Variants in TNNI3K observed in about 807,000 individuals in gnomAD.
TNNI3K encodes serine/threonine-protein kinase TNNI3K.
Under a neutral mutation model 114.5 loss-of-function variants are expected in TNNI3K, and 140 were observed. The ratio of observed to expected loss-of-function variants is 1.22; its 90% confidence interval spans 1.07 to 1.41. The LOEUF is 1.41. Ranked by LOEUF, TNNI3K falls within the 40% of genes most tolerant of loss-of-function variation. The pLI, the probability that TNNI3K is intolerant of heterozygous loss-of-function variation, is 0.00. For synonymous variants in TNNI3K, 347 were observed against 347.5 expected (o/e 1.00, Z 0.02); for missense variants, 1,125 against 1,007.6 (o/e 1.12, Z -1.58).
At chr1:74,481,432 TTTCTCCCAAAAGTAAAGGTG>T (rs1668496465) in intron 21 of TNNI3K, among the ~76,000 whole-genome samples, 1 of 152,138 alleles carries the variant, frequency 6.6e-6, no homozygotes, top group Non-Finnish European at 1.5e-5. Flanking sequence ...TCAATCATCT[TTTCTCCCAAAAGTAAAGGTG>T]CGAGTTGGGA....
chr1:74,480,470 A>T (rs1668432676), intron 21 of TNNI3K: 2 of 717,406 alleles, frequency 2.8e-6, no homozygotes, highest in African/African-American at 1.7e-5. Flanking sequence ...CACATCCGGC[A>T]TGTGGGCTAA....
rs1160614075 is a variant in TNNI3K, at chr1:74,342,914, A to G, written c.755A>G (p.Lys252Arg). The G allele has an allele frequency of 6.2e-7, 1 of 1,613,784 alleles. No homozygotes were observed. The highest frequency in any genetic ancestry group is 1.3e-5 in the African/African-American group (1 of 74,900). Residue 252 changes from lysine to arginine, a missense_variant, in exon 8 of 25, where the codon AAG (lysine) becomes AGG (arginine). By Grantham distance (26) the Lys-to-Arg change is conservative. Transcript: ENST00000326637. ...CGATTTGGACACCATGATATAGTTA[A>G]GTATCTGCTGCAAAGTGATTTGGAA... ...CSRFGHHDIVKYLLQSDLEVQ... is the reference protein window; with the variant it reads ...CSRFGHHDIVRYLLQSDLEVQ...
Position 74,492,122 on chromosome 1 carries a change from G to T in TNNI3K, c.2207G>T (p.Ser736Ile). 1 of 1,610,134 alleles carries T rather than the reference G, an allele frequency of 6.2e-7. No homozygotes were observed. Among genetic ancestry groups the T allele is most frequent in the Non-Finnish European group, 8.5e-7 (1 of 1,177,174 alleles). Residue 736 changes from serine to isoleucine, a missense_variant, in exon 23 of 25, where the codon AGC becomes ATC. Transcript: ENST00000326637. Reference protein sequence around the residue: ...IELMSPASSNSSGSLSPSSSS... With the variant: ...IELMSPASSNISGSLSPSSSS... ...CTGATGTCTCCTGCATCAAGTAACA[G>T]CAGTGGGTCTCTCTCACCTTCTTCT...
intron 21 of TNNI3K, chr1:74,464,537 GC>G: frequency 7.0e-7 from 1 of 1,431,624 alleles, no homozygotes. Flanking sequence ...ATAAAGTGAG[GC>G]TATTATTTCA....
At chr1:74,533,691 A>T (rs7552518) in intron 23 of TNNI3K, among the ~76,000 whole-genome samples, 2 of 151,290 alleles carry the variant, frequency 1.3e-5, no homozygotes, top group Admixed American at 1.3e-4. Context: ...GACTGGATTA[A>T]GAAAATGTGG....
chr1:74,248,295 A>G (rs1265533508), intron 2 of TNNI3K, among the ~76,000 whole-genome samples: 7 of 151,576 alleles, frequency 4.6e-5, no homozygotes, highest in South Asian at 2.1e-4. Flanking sequence ...CACTCCCTCC[A>G]CACCTCCCCA....
At chr1:74,370,170 C>A (rs950119918) in intron 16 of TNNI3K, 118 bp from the exon 17 acceptor site, 4 of 826,074 alleles carry the variant, frequency 4.8e-6, no homozygotes, top group Admixed American at 3.6e-5. Context: ...TCTAGCTTAA[C>A]CTTCAAGAAA....
chr1:74,447,410 C>T (rs1452055752), intron 20 of TNNI3K, among the ~76,000 whole-genome samples: 4 of 148,274 alleles, frequency 2.7e-5, no homozygotes, highest in Admixed American at 6.6e-5. Flanking sequence ...AACAAATTTA[C>T]AAGAAAAAAA....
At chr1:74,461,110 G>A (rs640493) in intron 20 of TNNI3K, among the ~76,000 whole-genome samples, 107,342 of 152,114 alleles carry the variant, frequency 0.71, 39,007 homozygotes, top group East Asian at 0.91. Flanking sequence ...GTAACAAAGT[G>A]GAGTTAGAAG....
chr1:74,338,054 A>T (rs1197219136), intron 7 of TNNI3K, among the ~76,000 whole-genome samples: 2 of 152,062 alleles, frequency 1.3e-5, no homozygotes, highest in African/African-American at 4.8e-5. Flanking sequence ...TCTTGAATAT[A>T]TATATAAACA....
At chr1:74,490,649 C>T (rs1012159528) in intron 22 of TNNI3K, among the ~76,000 whole-genome samples, 1 of 152,184 alleles carries the variant, frequency 6.6e-6, no homozygotes, top group Non-Finnish European at 1.5e-5. Flanking sequence ...CCTAAAGAGG[C>T]TTGACTTGCG....
intron 5 of TNNI3K, among the ~76,000 whole-genome samples, chr1:74,323,446 CA>C (rs918502857): frequency 7.0e-6 from 1 of 141,996 alleles, no homozygotes; most frequent in African/African-American, 2.8e-5. Flanking sequence ...CACTAGCACA[CA>C]TTTTTTTTTT....
intron 7 of TNNI3K, among the ~76,000 whole-genome samples, chr1:74,340,869 G>A (rs757721185): frequency 1.3e-5 from 2 of 152,092 alleles, no homozygotes; most frequent in Non-Finnish European, 2.9e-5. Flanking sequence ...ATAATCAGAA[G>A]AACCAACATT....
At chr1:74,324,476 T>C (rs2100392542) in intron 5 of TNNI3K, among the ~76,000 whole-genome samples, 1 of 152,350 alleles carries the variant, frequency 6.6e-6, no homozygotes, top group South Asian at 2.1e-4. Context: ...TCAATAGGAC[T>C]TTCTGCGGCG....
intron 24 of TNNI3K, among the ~76,000 whole-genome samples, chr1:74,543,363 C>T (rs927434344): frequency 5.9e-5 from 9 of 152,044 alleles, no homozygotes; most frequent in East Asian, 5.8e-4. Context: ...TGAGCCACTG[C>T]ACCTGGACTC....
At chr1:74,304,562 C>G (rs939999812) in intron 5 of TNNI3K, among the ~76,000 whole-genome samples, 1 of 152,146 alleles carries the variant, frequency 6.6e-6, no homozygotes, top group Non-Finnish European at 1.5e-5. Context: ...CCTCACTCAG[C>G]TTCCAGAGTA....
chr1:74,349,888 G>T (rs527652817), intron 9 of TNNI3K, among the ~76,000 whole-genome samples: 2 of 152,168 alleles, frequency 1.3e-5, no homozygotes, highest in African/African-American at 4.8e-5. Flanking sequence ...CTTGCTAGCG[G>T]TCTATCAATT....
At chr1:74,541,641 C>T (rs1177066716) in intron 24 of TNNI3K, 1 of 152,158 alleles carries the variant, frequency 6.6e-6, no homozygotes, top group Non-Finnish European at 1.5e-5. Context: ...ATTTCTTTAA[C>T]TTAATTTGTT....
chr1:74,235,717 T>C (rs1570350468), intron 1 of TNNI3K, among the ~76,000 whole-genome samples: 2 of 151,590 alleles, frequency 1.3e-5, no homozygotes, highest in South Asian at 4.1e-4. Context: ...TTCCTTGGTA[T>C]AATGTTACAG....
Sources: gnomAD v4.1 joint callset for allele counts (sites outside exome capture counted in the v4.1 genomes callset) on GRCh38, gnomAD v4.1.1 for gene constraint, MANE v1.5 for transcripts, NCBI Gene and HGNC (gene_info 2026-07-23, HGNC 2026-07-21) for gene names.